Variants in HMCN2 observed in about 807,000 individuals in gnomAD.
HMCN2 encodes hemicentin 2.
A neutral mutation model predicts 377.5 loss-of-function variants in HMCN2; 325 were observed. The ratio of observed to expected loss-of-function variants is 0.86; its 90% CI spans 0.79 to 0.94. The LOEUF (loss-of-function observed/expected upper bound fraction) is 0.94. HMCN2 is among the 40% of genes least tolerant of loss of function. HMCN2 has a pLI of 0.00. For synonymous variants in HMCN2, 2,007 were observed against 2,046.8 expected, an observed-to-expected ratio of 0.98 and a Z score of 0.53; for missense variants, 4,543 against 4,725.3, an observed-to-expected ratio of 0.96 and a Z score of 1.13.
intron 1 of HMCN2, 21 bp downstream of exon 1, chr9:130,266,158 C>A: frequency 2.2e-6 from 1 of 458,534 alleles, no homozygotes; most frequent in Middle Eastern, 4.0e-4. Context: ...CGCACCCCCG[C>A]CCGCCGGGCG....
At chr9:130,397,785 T>C (rs971545613) in intron 74 of HMCN2, 130 bp downstream of exon 74, 43 of 868,068 alleles carry the variant, frequency 5.0e-5, no homozygotes, top group Non-Finnish European at 1.1e-5. Flanking sequence ...ATGAAGCCCA[T>C]TAGTAAAAAG....
Position 130,294,936 on chromosome 9 carries a change from A to C in HMCN2, c.694A>C (p.Thr232Pro). The change falls in exon 5 of 98, where the codon ACA becomes CCA. Residue 232 changes from threonine (T) to proline (P), a missense_variant. Transcript: ENST00000683500. The stretch of plus-strand genomic sequence containing the variant: ...AGACCACGAGGAGGAGGGGGAGCAC[A>C]CATGGAGACTCCCCTTTGACCCCAG... ...STDHEEEGEH[T>P]WRLPFDPSLK... The C allele has an allele frequency of 2.1e-6, 1 of 470,990 alleles. No homozygotes were observed. Among genetic ancestry groups the C allele is most frequent in the South Asian group, 1.6e-5 (1 of 64,508 alleles). The allele number at this position is 470,990 out of a possible 1,614,324, so 29.2% of individuals were successfully genotyped here. A position where few individuals can be genotyped will look rare whatever the true frequency, so the allele number is the denominator to read the frequency against.
rs1421834510 is a variant in HMCN2 at position 130,425,024 on chromosome 9, T to C, written c.13535T>C (p.Met4512Thr). Residue 4512 changes from methionine to threonine, a missense_variant, in exon 89 of 98, where the codon ATG (methionine) becomes ACG (threonine). Met to Thr is a moderately conservative substitution (Grantham distance 81). This residue lies in a region of HMCN2 where 1,155 missense variants were observed against 1,157.7 expected (regional missense o/e 1.00). Coordinates refer to ENST00000683500, the MANE Select transcript of HMCN2 (RefSeq NM_001291815.2). ...VEFATGELLT[M>T]TQVARGLDPD... ...TGGTTTGCAGGGGAGCTGCTCACGA[T>C]GACCCAGGTGGCCCGGGGTCTGGAT... is the stretch of plus-strand genomic sequence containing the variant. The C allele has an allele frequency of 5.8e-6, 9 of 1,548,308 alleles. No individual in the cohort carries two copies. In the East Asian group the frequency reaches 2.0e-4, roughly 34 times the overall value.
chr9:130,297,556 T>A (rs1554932591), intron 7 of HMCN2, among the ~76,000 whole-genome samples: 1 of 152,154 alleles, frequency 6.6e-6, no homozygotes, highest in African/African-American at 2.4e-5. Context: ...AGGGACCAGC[T>A]CAGCTCAGCT....
In HMCN2 at chr9:130,391,368, G is replaced by A. The variant is rs1230983182; in HGVS notation, c.9827+5G>A. 1 of 987,728 alleles carries A rather than the reference G, an allele frequency of 1.0e-6. No individual in the cohort carries two copies. Among genetic ancestry groups the A allele is most frequent in the Middle Eastern group, 2.8e-4 (1 of 3,512 alleles). 61.2% of individuals were successfully genotyped at this position (987,728 alleles called of 1,614,324 possible). On this transcript the variant is annotated splice_donor_5th_base_variant and intron_variant, in intron 64 of 97. Coordinates refer to ENST00000683500, the MANE Select transcript of HMCN2 (RefSeq NM_001291815.2). ...GGACATGGGCCCCCACCTCCGGTAAGACTTGGCCCATGCCCTCCCCAGAGG... is the reference window on the plus strand; with the variant it reads ...GGACATGGGCCCCCACCTCCGGTAAAACTTGGCCCATGCCCTCCCCAGAGG...
chr9:130,357,981 A>G lies in HMCN2; in HGVS notation c.5573A>G (p.Asn1858Ser). Residue 1858 changes from asparagine (N) to serine (S), a missense_variant, in exon 35 of 98, where the codon AAC becomes AGC. Asn to Ser is a conservative substitution (Grantham distance 46). Around this residue, in one of 5 missense-constraint regions of HMCN2, gnomAD observed 1,032 missense variants for 1,285.1 expected, o/e 0.80. Coordinates refer to ENST00000683500, the MANE Select transcript of HMCN2 (RefSeq NM_001291815.2). The stretch of plus-strand genomic sequence containing the variant: ...GTAGCCCTGGCAGCCTTTGGGGGGA[A>G]CCTACAGGTATGTGCAGGGGCCCCA... ...DGVALAAFGG[N>S]LQIEKVDLRD... 1 of 1,303,836 alleles carries G rather than the reference A, an allele frequency of 7.7e-7. No individual in the cohort carries two copies. The highest frequency in any genetic ancestry group is 1.0e-6 in the Non-Finnish European group (1 of 988,728). 80.8% of individuals were successfully genotyped at this position (1,303,836 alleles called of 1,614,324 possible).
At chr9:130,404,710 A>G (rs147209896) in intron 80 of HMCN2, among the ~76,000 whole-genome samples, 159 bp from the exon 81 acceptor site, 24 of 152,368 alleles carry the variant, frequency 1.6e-4, no homozygotes, top group Non-Finnish European at 2.6e-4. Context: ...GAGTCCCCAA[A>G]TCATCCTGAG....
intron 86 of HMCN2, among the ~76,000 whole-genome samples, chr9:130,421,146 C>G (rs1843978784): frequency 6.6e-6 from 1 of 152,144 alleles, no homozygotes; most frequent in Non-Finnish European, 1.5e-5. Flanking sequence ...TTTTTACTTC[C>G]TCTATCTTGG....
chr9:130,321,743 G>A (rs1285866967), intron 18 of HMCN2, 44 bp from the exon 19 acceptor site: 2 of 152,120 alleles, frequency 1.3e-5, no homozygotes, highest in African/African-American at 4.8e-5. Flanking sequence ...AGCTGCCTCT[G>A]AGTGAGGCCC....
intron 14 of HMCN2, among the ~76,000 whole-genome samples, chr9:130,309,420 T>A (rs1837090778): frequency 7.3e-6 from 1 of 136,896 alleles, no homozygotes; most frequent in South Asian, 2.2e-4. Context: ...TAGGCTGAAG[T>A]AGGATAATCG....
At chr9:130,332,042 G>A (rs1838458865) in intron 22 of HMCN2, among the ~76,000 whole-genome samples, 1 of 152,196 alleles carries the variant, frequency 6.6e-6, no homozygotes, top group Non-Finnish European at 1.5e-5. Flanking sequence ...GGTGAGAGGT[G>A]AGGCCTGCAG....
intron 58 of HMCN2, 32 bp downstream of exon 58, chr9:130,384,566 A>C (rs1367733803): frequency 2.4e-5 from 31 of 1,303,992 alleles, no homozygotes; most frequent in Non-Finnish European, 3.0e-5. Context: ...GCCCAGCTCT[A>C]AGGTTACATG....
chr9:130,289,763 AG>A (rs1237622471), intron 4 of HMCN2, among the ~76,000 whole-genome samples: 1 of 152,138 alleles, frequency 6.6e-6, no homozygotes, highest in East Asian at 1.9e-4. Flanking sequence ...ATTCTCTGCT[AG>A]GGCGAGTGCC....
chr9:130,360,317 T>G lies in HMCN2; in HGVS notation c.5774-111T>G. 1.3e-5 allele frequency: 7 copies of G among 550,264 alleles called. No homozygotes were observed. Among genetic ancestry groups the G allele is most frequent in the Non-Finnish European group, 1.3e-5 (5 of 372,500 alleles). The allele number at this position is 550,264 out of a possible 1,614,324, so 34.1% of individuals were successfully genotyped here. On this transcript the variant is annotated intron_variant, in intron 37 of 97. Coordinates refer to ENST00000683500, the MANE Select transcript of HMCN2 (RefSeq NM_001291815.2). This position sits in a 1 kb window ranked among gnomAD's most constrained non-coding sequence, Gnocchi z 4.7. ...CTTCTCTCTTCCATTCCCCCTTGCA[T>G]CTCTCTTCCTTTCCCCCTTGCATCT...
intron 23 of HMCN2, among the ~76,000 whole-genome samples, chr9:130,339,687 A>G (rs1838947187): frequency 6.6e-6 from 1 of 152,164 alleles, no homozygotes; most frequent in African/African-American, 2.4e-5. Context: ...GGAAGCTGTT[A>G]TTGTTTTCAG....
intron 22 of HMCN2, among the ~76,000 whole-genome samples, chr9:130,335,320 A>G (rs2131454030): frequency 6.6e-6 from 1 of 152,254 alleles, no homozygotes; most frequent in Non-Finnish European, 1.5e-5. Context: ...GGGTGTCGAC[A>G]TGTCAACATA....
intron 36 of HMCN2, among the ~76,000 whole-genome samples, 151 bp from the exon 37 acceptor site, chr9:130,359,167 GA>G (rs1840221236): frequency 6.6e-6 from 1 of 152,098 alleles, no homozygotes; most frequent in Admixed American, 6.5e-5. Flanking sequence ...TTCCAGGAGT[GA>G]GGTTGCTTAG....
chr9:130,370,686 A>G (rs190180152), intron 45 of HMCN2, among the ~76,000 whole-genome samples: 127 of 152,280 alleles, frequency 8.3e-4, no homozygotes, highest in African/African-American at 2.7e-3. Context: ...TGGACTGGGC[A>G]CTTTCACGTG....
chr9:130,278,469 A>G (rs1163934739), intron 1 of HMCN2, among the ~76,000 whole-genome samples: 6 of 152,116 alleles, frequency 3.9e-5, no homozygotes, highest in Non-Finnish European at 7.3e-5. Context: ...CAAAGGGAAC[A>G]GGCATTGGAA....
Sources: allele counts gnomAD v4.1 joint callset (sites outside exome capture counted in the v4.1 genomes callset), GRCh38; gene constraint gnomAD v4.1.1; regional missense constraint gnomAD v4.1.1; non-coding constraint Gnocchi (gnomAD v3.1); transcripts MANE v1.5; gene names NCBI Gene and HGNC (gene_info 2026-07-23, HGNC 2026-07-21).